Variants in SORBS2 observed in about 807,000 individuals in gnomAD.
The protein encoded by SORBS2 is sorbin and SH3 domain containing 2, also known as sorbin and SH3 domain-containing protein 2.
Under a neutral mutation model 97.7 loss-of-function variants are expected in SORBS2, and 46 were observed. That is an observed-to-expected ratio of 0.47 (90% CI 0.37 to 0.60). The LOEUF is 0.60. SORBS2 is among the 20% of genes least tolerant of loss of function. The probability of loss-of-function intolerance (pLI) is 0.00; values close to 1 mark genes in which losing one functional copy is unlikely to be tolerated. For missense variants in SORBS2, 1,316 were observed against 1,282.3 expected (o/e 1.03, Z -0.40); for synonymous variants, 476 against 473.4 (o/e 1.01, Z -0.07).
intron 2 of SORBS2, among the ~76,000 whole-genome samples, chr4:185,757,702 A>G (rs1012139846): frequency 3.3e-5 from 5 of 152,206 alleles, no homozygotes; most frequent in African/African-American, 7.2e-5. Context: ...AGAGAAGCCT[A>G]GGTGGTATGG....
intron 1 of SORBS2, among the ~76,000 whole-genome samples, chr4:185,841,511 C>T (rs2099211524): frequency 1.3e-5 from 2 of 152,174 alleles, no homozygotes; most frequent in South Asian, 2.1e-4. Context: ...CACTTACTAG[C>T]CAGCAGGATC....
intron 1 of SORBS2, among the ~76,000 whole-genome samples, chr4:185,855,006 C>T (rs975734215): frequency 2.0e-5 from 3 of 152,076 alleles, no homozygotes; most frequent in East Asian, 1.9e-4. Flanking sequence ...ACAATAATCT[C>T]GTTATATATT....
chr4:185,888,005 A>G (rs926709584), intron 1 of SORBS2, among the ~76,000 whole-genome samples: 5 of 151,062 alleles, frequency 3.3e-5, no homozygotes, highest in African/African-American at 9.8e-5. Context: ...CATTGAACTC[A>G]TATCTTTTCA....
intron 1 of SORBS2, among the ~76,000 whole-genome samples, chr4:185,879,505 C>T (rs551828848): frequency 6.6e-6 from 1 of 152,252 alleles, no homozygotes; most frequent in East Asian, 1.9e-4. Flanking sequence ...TTTATAGCAG[C>T]ATGATTTATA....
intron 4 of SORBS2, 95 bp from the exon 16 acceptor site, chr4:185,635,506 A>G: frequency 2.1e-6 from 2 of 934,526 alleles, no homozygotes; most frequent in South Asian, 1.5e-5. Context: ...AGGTGACAAC[A>G]GTTAGAAATT....
At chr4:185,851,259 A>G (rs115039336) in intron 1 of SORBS2, among the ~76,000 whole-genome samples, 4,696 of 152,296 alleles carry the variant, frequency 0.031, 92 homozygotes, top group South Asian at 0.053. Flanking sequence ...GAAAACCTGT[A>G]TCTTCCCAGA....
intron 1 of SORBS2, among the ~76,000 whole-genome samples, chr4:185,824,276 G>A (rs904238276): frequency 6.6e-6 from 1 of 152,102 alleles, no homozygotes; most frequent in East Asian, 1.9e-4. Flanking sequence ...GCTTGTGGCA[G>A]TGTAACCCCA....
intron 5 of SORBS2, among the ~76,000 whole-genome samples, chr4:185,628,037 A>G (rs539135051): frequency 8.6e-4 from 131 of 152,256 alleles, no homozygotes; most frequent in African/African-American, 2.9e-3. Context: ...GCTGAGTCAC[A>G]TTCTATTATT....
intron 2 of SORBS2, among the ~76,000 whole-genome samples, chr4:185,702,796 A>G (rs1265166961): frequency 6.6e-6 from 1 of 152,156 alleles, no homozygotes; most frequent in Non-Finnish European, 1.5e-5. Flanking sequence ...TAAAATATAA[A>G]AGCACATAAG....
chr4:185,693,402 A>G (rs1013097880), intron 2 of SORBS2, among the ~76,000 whole-genome samples: 1 of 152,134 alleles, frequency 6.6e-6, no homozygotes, highest in South Asian at 2.1e-4. Context: ...GCTCCTTCAA[A>G]CGTATTTAGT....
intron 12 of SORBS2, among the ~76,000 whole-genome samples, chr4:185,597,689 A>C (rs373003579): frequency 6.6e-6 from 1 of 152,174 alleles, no homozygotes; most frequent in East Asian, 1.9e-4. Context: ...TTATCTGGGG[A>C]GACTGTCTTT....
intron 1 of SORBS2, among the ~76,000 whole-genome samples, chr4:185,944,555 A>G (rs1367617716): frequency 1.3e-5 from 2 of 152,222 alleles, no homozygotes; most frequent in African/African-American, 4.8e-5. Context: ...AGCCCTTTTG[A>G]TGCATTGACA....
Position 185,718,298 on chromosome 4 carries a change from T to C in SORBS2, c.-197-39476A>G, listed in dbSNP as rs925015466. Among the ~76,000 whole-genome samples the C allele has an allele frequency of 5.3e-5, 8 of 152,124 alleles. No homozygotes were observed. In the South Asian group the frequency reaches 1.7e-3, roughly 32 times the overall value. On this transcript the variant is annotated intron_variant, in intron 2 of 20. Transcript: ENST00000284776. ...GGCGCAGAACAAATGATTACAGAAATATGAGCTATCATTTTCATTATTATT... is the reference window on the plus strand; with the variant it reads ...GGCGCAGAACAAATGATTACAGAAACATGAGCTATCATTTTCATTATTATT...
intron 1 of SORBS2, among the ~76,000 whole-genome samples, chr4:185,913,093 C>T (rs772563988): frequency 5.3e-5 from 8 of 152,242 alleles, no homozygotes; most frequent in South Asian, 2.1e-4. Context: ...TCCATCTGAA[C>T]GGCAGTTCAA....
At chr4:185,717,318 C>T (rs772942414) in intron 2 of SORBS2, among the ~76,000 whole-genome samples, 1 of 151,306 alleles carries the variant, frequency 6.6e-6, no homozygotes, top group Non-Finnish European at 1.5e-5. Flanking sequence ...GATTGCTGGA[C>T]ATAATTTTTT....
At chr4:185,932,745 G>A (rs1055417246) in intron 1 of SORBS2, among the ~76,000 whole-genome samples, 2 of 152,180 alleles carry the variant, frequency 1.3e-5, no homozygotes, top group Admixed American at 6.5e-5. Context: ...CTGGGGCTCG[G>A]TTGCCCTGGC....
intron 1 of SORBS2, among the ~76,000 whole-genome samples, chr4:185,874,418 G>A (rs13144444): frequency 0.22 from 33,310 of 152,072 alleles, 4,179 homozygotes; most frequent in East Asian, 0.54. Flanking sequence ...GAGGGTAAGA[G>A]TTCGGGTCAG....
chr4:185,635,796 C>T (rs1026362346), intron 4 of SORBS2, among the ~76,000 whole-genome samples: 2 of 152,148 alleles, frequency 1.3e-5, no homozygotes, highest in African/African-American at 2.4e-5. Flanking sequence ...ATGGAAAATG[C>T]TGATAACTTA....
At chr4:185,938,389 T>TACACACACACACACACACACACAC (rs34337257) in intron 1 of SORBS2, among the ~76,000 whole-genome samples, 2 of 136,440 alleles carry the variant, frequency 1.5e-5, no homozygotes, top group East Asian at 2.2e-4. Context: ...TGTAGACACA[T>TACACACACACACACACACACACAC]ACACACACAC....
Sources: allele counts gnomAD v4.1 joint callset (sites outside exome capture counted in the v4.1 genomes callset), GRCh38; gene constraint gnomAD v4.1.1; transcripts MANE v1.5; gene names NCBI Gene and HGNC (gene_info 2026-07-23, HGNC 2026-07-21).